Variants in ATF7 observed in about 807,000 individuals in gnomAD.
ATF7 encodes activating transcription factor 7, also known as cyclic AMP-dependent transcription factor ATF-7.
Under a neutral mutation model 50.4 loss-of-function variants are expected in ATF7, and 10 were observed. That is an observed-to-expected ratio of 0.20 (90% confidence interval 0.12 to 0.34). ATF7 has a LOEUF of 0.34. ATF7 is among the 10% of genes least tolerant of loss of function. ATF7 has a pLI of 1.00. For missense variants in ATF7, 465 were observed against 613.9 expected, an observed-to-expected ratio of 0.76 and a Z score of 2.56; for synonymous variants, 201 against 226.4, an observed-to-expected ratio of 0.89 and a Z score of 1.01.
intron 2 of ATF7, among the ~76,000 whole-genome samples, chr12:53,579,551 C>CAAAA (rs532383571): frequency 4.9e-5 from 3 of 60,644 alleles, no homozygotes; most frequent in Non-Finnish European, 1.1e-4. Context: ...AACTCCGTCT[C>CAAAA]AAAAAAAAAA....
At chr12:53,548,480 C>A (rs1326587428) in intron 3 of ATF7, among the ~76,000 whole-genome samples, 1 of 151,768 alleles carries the variant, frequency 6.6e-6, no homozygotes, top group Non-Finnish European at 1.5e-5. Context: ...TACGTGCATG[C>A]GCCACCACAC....
chr12:53,615,411 A>G (rs944258416), intron 1 of ATF7, among the ~76,000 whole-genome samples: 7 of 152,020 alleles, frequency 4.6e-5, no homozygotes, highest in Admixed American at 4.6e-4. Context: ...AATAAAAAAG[A>G]AAATGCTGCT....
intron 2 of ATF7, among the ~76,000 whole-genome samples, chr12:53,597,248 TG>T (rs1188948451): frequency 6.6e-6 from 1 of 151,790 alleles, no homozygotes; most frequent in Non-Finnish European, 1.5e-5. Flanking sequence ...GACTTACTGG[TG>T]GGAAGTGGAT....
intron 6 of ATF7, 110 bp from the exon 7 acceptor site, chr12:53,533,369 G>T (rs1040982566): frequency 2.4e-6 from 2 of 835,288 alleles, no homozygotes; most frequent in Non-Finnish European, 3.7e-6. Flanking sequence ...GAAGGTATAG[G>T]GCAGCATGGT....
In ATF7 at chr12:53,524,035, G is replaced by A; in HGVS notation, c.1125+529C>T. 6.6e-6 allele frequency among the ~76,000 whole-genome samples: 1 copy of A among 151,930 alleles called. No homozygotes were observed. The highest frequency in any genetic ancestry group is 1.5e-5 in the Non-Finnish European group (1 of 67,970). On this transcript the variant is annotated intron_variant, in intron 10 of 11. Transcript: ENST00000420353. This position sits in a 1 kb window ranked among gnomAD's most constrained non-coding sequence, Gnocchi z 4.6. ...GGACTAGAAAAGGCAGATTAAAGAG[G>A]GACTTTGTTTCTATTCTGTACATTT... is the stretch of plus-strand genomic sequence containing the variant.
At chr12:53,520,527 C>CA (rs147418854) in intron 11 of ATF7, among the ~76,000 whole-genome samples, 2,757 of 152,134 alleles carry the variant, frequency 0.018, 157 homozygotes, top group Admixed American at 0.12. Flanking sequence ...ACCCTGCCTC[C>CA]AAAAAATCCC....
At chr12:53,563,304 C>T (rs1040932459) in intron 2 of ATF7, among the ~76,000 whole-genome samples, 2 of 152,068 alleles carry the variant, frequency 1.3e-5, no homozygotes, top group African/African-American at 2.4e-5. Flanking sequence ...TATGGTCTCA[C>T]AATTTTTATC....
intron 9 of ATF7, among the ~76,000 whole-genome samples, chr12:53,525,578 G>C (rs2137344099): frequency 6.6e-6 from 1 of 152,222 alleles, no homozygotes; most frequent in South Asian, 2.1e-4. Context: ...ATTATGGGGA[G>C]ATATAGATAA....
At chr12:53,533,303 G>C (rs1257504548) in intron 6 of ATF7, 44 bp from the exon 7 acceptor site, 26 of 1,463,686 alleles carry the variant, frequency 1.8e-5, no homozygotes, top group Non-Finnish European at 2.4e-5. Context: ...CAGACCTTTT[G>C]TCCATGGATC....
At chr12:53,536,037 A>G (rs1278393723) in intron 5 of ATF7, among the ~76,000 whole-genome samples, 1 of 151,978 alleles carries the variant, frequency 6.6e-6, no homozygotes, top group East Asian at 1.9e-4. Flanking sequence ...AAAAAAAAAG[A>G]TGACTTGTTA....
rs745709666 is a variant in ATF7, at chr12:53,524,801, A to G, written c.928-40T>C. 1.3e-6 allele frequency: 2 copies of G among 1,494,800 alleles called. No individual in the cohort carries two copies. Among genetic ancestry groups the G allele is most frequent in the South Asian group, 1.3e-5 (1 of 79,678 alleles). 92.6% of individuals were successfully genotyped at this position (1,494,800 alleles called of 1,614,324 possible). A position where few individuals can be genotyped will look rare whatever the true frequency, so the allele number is the denominator to read the frequency against. On this transcript the variant is annotated intron_variant, in intron 9 of 11. Transcript: ENST00000420353. The surrounding 1 kb of genome is among the most constrained non-coding windows in gnomAD (Gnocchi z 4.6). Reference sequence around the variant, plus strand: ...GGAAGAGAGGTTACTTGATGGGAACATTAATCCTTTCCAAATCACACCTGA... The same window carrying G: ...GGAAGAGAGGTTACTTGATGGGAACGTTAATCCTTTCCAAATCACACCTGA...
chr12:53,575,344 C>T (rs1192150293), intron 2 of ATF7, among the ~76,000 whole-genome samples: 1 of 150,386 alleles, frequency 6.6e-6, no homozygotes, highest in Non-Finnish European at 1.5e-5. Context: ...GAGGCGGAGG[C>T]TGCGGTGAGC....
At chr12:53,543,220 T>C in intron 4 of ATF7, 110 bp downstream of exon 4, 1 of 1,550,266 alleles carries the variant, frequency 6.5e-7, no homozygotes, top group East Asian at 2.4e-5. Flanking sequence ...TTTACTCTAC[T>C]AAGCCCATGA....
chr12:53,581,069 G>A (rs1049202355), intron 2 of ATF7, among the ~76,000 whole-genome samples: 1 of 151,428 alleles, frequency 6.6e-6, no homozygotes, highest in African/African-American at 2.4e-5. Flanking sequence ...CCAAGATTGT[G>A]CCACTGCACT....
At chr12:53,553,867 C>T (rs1158241792) in intron 2 of ATF7, among the ~76,000 whole-genome samples, 3 of 152,228 alleles carry the variant, frequency 2.0e-5, no homozygotes, top group Non-Finnish European at 2.9e-5. Context: ...TTCTTGACTG[C>T]AAACAAAATA....
At chr12:53,535,328 C>CAAA (rs397938442) in intron 5 of ATF7, among the ~76,000 whole-genome samples, 4 of 64,970 alleles carry the variant, frequency 6.2e-5, no homozygotes, top group African/African-American at 1.1e-4. Context: ...GACTCTGCCT[C>CAAA]AAAAAAAAAA....
At chr12:53,606,544 G>C (rs942255884) in intron 1 of ATF7, among the ~76,000 whole-genome samples, 2 of 151,966 alleles carry the variant, frequency 1.3e-5, no homozygotes, top group Non-Finnish European at 2.9e-5. Context: ...CACTGTGCCT[G>C]GCCTGGCACG....
intron 2 of ATF7, among the ~76,000 whole-genome samples, chr12:53,579,439 C>T (rs1942276222): frequency 6.6e-6 from 1 of 151,544 alleles, no homozygotes; most frequent in Admixed American, 6.6e-5. Flanking sequence ...GTAATCCCAG[C>T]TACTCAGGAG....
intron 2 of ATF7, among the ~76,000 whole-genome samples, chr12:53,596,021 G>A (rs1422408292): frequency 1.3e-5 from 2 of 152,174 alleles, no homozygotes; most frequent in African/African-American, 4.8e-5. Flanking sequence ...GAGGTGGGCT[G>A]GGTGTGGTGG....
Sources: allele counts gnomAD v4.1 joint callset (sites outside exome capture counted in the v4.1 genomes callset), GRCh38; gene constraint gnomAD v4.1.1; non-coding constraint Gnocchi (gnomAD v3.1); transcripts MANE v1.5; gene names NCBI Gene and HGNC (gene_info 2026-07-23, HGNC 2026-07-21).